The following ELMO1 variants were observed in gnomAD, a reference collection of about 807,000 sequenced individuals.
ELMO1 encodes engulfment and cell motility protein 1.
ELMO1 carries 26 observed loss-of-function variants against 98.9 expected under a neutral mutation model. That is an observed-to-expected ratio of 0.26 (90% CI 0.19 to 0.36). ELMO1 has a LOEUF of 0.36. ELMO1 is among the 10% of genes least tolerant of loss of function. The pLI is 1.00. For synonymous variants in ELMO1, 346 were observed against 346.0 expected, an observed-to-expected ratio of 1.00 and a Z score of 0.00; for missense variants, 627 against 935.2, an observed-to-expected ratio of 0.67 and a Z score of 4.30.
At chr7:37,385,338 C>T (rs1802754541) in intron 1 of ELMO1, among the ~76,000 whole-genome samples, 1 of 152,208 alleles carries the variant, frequency 6.6e-6, no homozygotes, top group Admixed American at 6.5e-5. Context: ...CTCATTCCAT[C>T]TCCCCCTCCC....
chr7:36,894,598 C>G (rs1805834483), intron 17 of ELMO1, among the ~76,000 whole-genome samples: 1 of 152,204 alleles, frequency 6.6e-6, no homozygotes, highest in Non-Finnish European at 1.5e-5. Context: ...ATCTACAAAT[C>G]CCTGGAGGAC....
intron 4 of ELMO1, among the ~76,000 whole-genome samples, chr7:37,286,224 G>A (rs139451928): frequency 2.8e-4 from 42 of 152,232 alleles, no homozygotes; most frequent in Admixed American, 5.2e-4. Context: ...GGAACAATGC[G>A]GCTGGAAACA....
chr7:36,894,729 G>A (rs1052637554), intron 17 of ELMO1, 125 bp downstream of exon 17: 12 of 1,200,172 alleles, frequency 1.0e-5, no homozygotes, highest in African/African-American at 3.0e-5. Context: ...GGAGATACTT[G>A]GAATGTCTTC....
chr7:36,995,253 C>G (rs570443001), intron 16 of ELMO1, among the ~76,000 whole-genome samples: 1 of 152,160 alleles, frequency 6.6e-6, no homozygotes, highest in East Asian at 1.9e-4. Flanking sequence ...CTCACGCTTG[C>G]AATCCCAGCA....
At chr7:37,279,255 A>G (rs62459327) in intron 4 of ELMO1, among the ~76,000 whole-genome samples, 57,764 of 152,048 alleles carry the variant, frequency 0.38, 12,155 homozygotes, top group Middle Eastern at 0.54. Flanking sequence ...CTACTACCTC[A>G]CCAGGGCATT....
intron 16 of ELMO1, among the ~76,000 whole-genome samples, chr7:36,900,811 G>T (rs1025559937): frequency 2.0e-5 from 3 of 152,192 alleles, no homozygotes; most frequent in African/African-American, 7.2e-5. Flanking sequence ...AGCTAAAAAT[G>T]ACTCATGTGG....
intron 1 of ELMO1, among the ~76,000 whole-genome samples, chr7:37,400,376 T>G (rs1409810660): frequency 6.6e-6 from 1 of 151,986 alleles, no homozygotes; most frequent in Non-Finnish European, 1.5e-5. Context: ...ATTTCAAAAT[T>G]TAAAAAAAAA....
At chr7:37,088,319 G>C (rs1253544161) in intron 15 of ELMO1, among the ~76,000 whole-genome samples, 1 of 152,186 alleles carries the variant, frequency 6.6e-6, no homozygotes, top group Non-Finnish European at 1.5e-5. Context: ...AATTTCAGAA[G>C]TATCTCCAAG....
intron 5 of ELMO1, among the ~76,000 whole-genome samples, chr7:37,264,681 A>G (rs1796153132): frequency 6.6e-6 from 1 of 152,148 alleles, no homozygotes; most frequent in Non-Finnish European, 1.5e-5. Context: ...TGGGCCATTG[A>G]AACAGCTTGA....
At chr7:37,007,054 T>C (rs1458839871) in intron 16 of ELMO1, among the ~76,000 whole-genome samples, 1 of 152,220 alleles carries the variant, frequency 6.6e-6, no homozygotes, top group Admixed American at 6.5e-5. Flanking sequence ...TGAAACTCTT[T>C]GCTACCTATT....
chr7:37,088,878 G>C (rs1783921213), intron 15 of ELMO1, among the ~76,000 whole-genome samples: 1 of 152,024 alleles, frequency 6.6e-6, no homozygotes, highest in Non-Finnish European at 1.5e-5. Flanking sequence ...ATTTGTTTTT[G>C]TTTTACTTTA....
At chr7:37,289,769 T>C (rs1797580376) in intron 4 of ELMO1, among the ~76,000 whole-genome samples, 1 of 40,128 alleles carries the variant, frequency 2.5e-5, no homozygotes, top group African/African-American at 4.2e-5. Context: ...ATCTTCTCTA[T>C]TTTCTCTTTT....
chr7:37,233,042 T>G, intron 8 of ELMO1, 53 bp downstream of exon 8: 1 of 1,423,710 alleles, frequency 7.0e-7, no homozygotes. Flanking sequence ...CAGAGAAAAA[T>G]AGCTATGACA....
intron 16 of ELMO1, among the ~76,000 whole-genome samples, chr7:36,960,266 G>A (rs1165316149): frequency 1.3e-5 from 2 of 152,176 alleles, no homozygotes; most frequent in African/African-American, 4.8e-5. Context: ...GATGACAGCA[G>A]ACTCAGTTAT....
intron 17 of ELMO1, among the ~76,000 whole-genome samples, chr7:36,891,413 G>A (rs942796410): frequency 2.0e-5 from 3 of 152,214 alleles, no homozygotes; most frequent in African/African-American, 7.2e-5. Flanking sequence ...GATCTTTAGC[G>A]AGGATGCAGA....
chr7:36,961,141 G>A (rs1788916393), intron 16 of ELMO1, among the ~76,000 whole-genome samples: 2 of 152,098 alleles, frequency 1.3e-5, no homozygotes, highest in Non-Finnish European at 2.9e-5. Context: ...GACAGGCTAG[G>A]AAAAAGTATT....
At chr7:37,447,617 A>C (rs1583783348) in intron 1 of ELMO1, among the ~76,000 whole-genome samples, 1 of 147,696 alleles carries the variant, frequency 6.8e-6, no homozygotes, top group Non-Finnish European at 1.5e-5. Flanking sequence ...ACACACACCG[A>C]CTCACACACA....
rs1346744969 is a variant in ELMO1 at position 37,431,887 on chromosome 7, TG to T, written c.-74+16787del. ...TTTTTTGTTTGTTTGTTTGTTTGTT[TG>T]TTTGTTTTTTGACATGGAGTTTCGC... is the stretch of plus-strand genomic sequence containing the variant. On this transcript the variant is annotated intron_variant, in intron 1 of 21. Transcript: ENST00000310758. Among the ~76,000 whole-genome samples the T allele has an allele frequency of 2.0e-5, 3 of 152,148 alleles. No individual in the cohort carries two copies. In the South Asian group the frequency reaches 6.2e-4, roughly 32 times the overall value.
intron 13 of ELMO1, among the ~76,000 whole-genome samples, chr7:37,186,952 T>C (rs930221541): frequency 6.6e-6 from 1 of 152,192 alleles, no homozygotes; most frequent in Non-Finnish European, 1.5e-5. Context: ...AGTGTGCTTT[T>C]AAGTACAGAA....
Sources: gnomAD v4.1 joint callset for allele counts (sites outside exome capture counted in the v4.1 genomes callset) on GRCh38, gnomAD v4.1.1 for gene constraint, MANE v1.5 for transcripts, NCBI Gene and HGNC (gene_info 2026-07-23, HGNC 2026-07-21) for gene names.